Variants in PDE6A observed in about 807,000 individuals in gnomAD.
The protein encoded by PDE6A is phosphodiesterase 6A, also known as rod cGMP-specific 3',5'-cyclic phosphodiesterase subunit alpha.
Under a neutral mutation model 106.3 loss-of-function variants are expected in PDE6A, and 84 were observed. That is an observed-to-expected ratio of 0.79 (90% CI 0.66 to 0.95). PDE6A has a LOEUF of 0.95. Among genes scored for constraint, PDE6A ranks in the 40% least tolerant of loss-of-function variants. The pLI, the probability that PDE6A is intolerant of heterozygous loss-of-function variation, is 0.00. For synonymous variants in PDE6A, 394 were observed against 386.6 expected, an observed-to-expected ratio of 1.02 and a Z score of -0.23; for missense variants, 1,052 against 1,084.9, an observed-to-expected ratio of 0.97 and a Z score of 0.43.
chr5:149,861,890 C>T (rs537868490), intron 21 of PDE6A, among the ~76,000 whole-genome samples: 3 of 152,304 alleles, frequency 2.0e-5, no homozygotes, highest in Admixed American at 2.0e-4. Flanking sequence ...GAAAAATGCA[C>T]TTATTTCCCA....
chr5:149,933,934 C>T lies in PDE6A; in HGVS notation c.713G>A (p.Gly238Asp), dbSNP rs572067661. Residue 238 changes from glycine (G) to aspartate (D), a missense_variant, in exon 3 of 22, where the codon GGC becomes GAC. Gly to Asp is a moderately conservative substitution (Grantham distance 94). This residue lies in a region of PDE6A where 913 missense variants were observed against 915.2 expected (regional missense o/e 1.00). Coordinates refer to ENST00000255266, the MANE Select transcript of PDE6A (RefSeq NM_000440.3). The stretch of plus-strand genomic sequence containing the variant: ...CCCTTGGCCCAAGCCCCTTACCTGG[C>T]CACGTCGAGTTTCACAGTTGTGCAG... ...SYLHNCETRR[G>D]QILLWSGSKV... 5.0e-6 allele frequency: 8 copies of T among 1,612,242 alleles called. No homozygotes were observed. In the African/African-American group the frequency reaches 6.7e-5, roughly 13 times the overall value.
chr5:149,932,104 C>G, intron 3 of PDE6A: 1 of 1,314,958 alleles, frequency 7.6e-7, no homozygotes, highest in Non-Finnish European at 1.1e-6. Context: ...TTGTTCTCCT[C>G]GTCCGGAAGT....
intron 6 of PDE6A, 38 bp from the exon 7 acceptor site, chr5:149,907,416 A>G: frequency 6.4e-7 from 1 of 1,556,098 alleles, no homozygotes; most frequent in Non-Finnish European, 8.9e-7. Context: ...CTCTCAGTGC[A>G]GGGATTGCTG....
At chr5:149,871,940 T>C (rs1161724805) in intron 17 of PDE6A, among the ~76,000 whole-genome samples, 1 of 152,084 alleles carries the variant, frequency 6.6e-6, no homozygotes, top group Admixed American at 6.5e-5. Context: ...CAGATTAGAC[T>C]TGCAAAGTGA....
intron 5 of PDE6A, among the ~76,000 whole-genome samples, chr5:149,920,980 AAG>A (rs747863207): frequency 6.8e-5 from 9 of 133,262 alleles, no homozygotes; most frequent in African/African-American, 3.4e-4. Context: ...GAAAGAAAGA[AAG>A]AAAGAAAGAA....
At chr5:149,902,394 C>T (rs549822452) in intron 8 of PDE6A, among the ~76,000 whole-genome samples, 1 of 151,982 alleles carries the variant, frequency 6.6e-6, no homozygotes, top group Non-Finnish European at 1.5e-5. Flanking sequence ...TTTCCCCATG[C>T]AATCATGAGC....
At chr5:149,928,208 G>GATATAT (rs1228867964) in intron 4 of PDE6A, among the ~76,000 whole-genome samples, 31 of 57,730 alleles carry the variant, frequency 5.4e-4, no homozygotes, top group African/African-American at 1.9e-3. Flanking sequence ...AATTGTATGT[G>GATATAT]CTATATATAT....
At chr5:149,917,088 C>G (rs1753580566) in intron 5 of PDE6A, among the ~76,000 whole-genome samples, 1 of 150,836 alleles carries the variant, frequency 6.6e-6, no homozygotes, top group East Asian at 1.9e-4. Flanking sequence ...GCTCTGTCGC[C>G]CAAGCTGGAG....
chr5:149,926,398 C>T (rs1321847358), intron 4 of PDE6A, among the ~76,000 whole-genome samples: 1 of 151,884 alleles, frequency 6.6e-6, no homozygotes, highest in Non-Finnish European at 1.5e-5. Context: ...AAAGAATGGT[C>T]TTTTCAATAA....
At position 149,898,407 on chromosome 5, in the gene PDE6A, T is replaced by C. The variant is rs536201841; in HGVS notation, c.1363A>G (p.Lys455Glu). 6.2e-7 allele frequency: 1 copy of C among 1,613,616 alleles called. No individual in the cohort carries two copies. Among genetic ancestry groups the C allele is most frequent in the Admixed American group, 1.7e-5 (1 of 60,028 alleles). ...NRKDIFQDIVKYHVKCDNEEI... is the reference protein window; with the variant it reads ...NRKDIFQDIVEYHVKCDNEEI... ...TCATTGTCACACTTCACATGATATT[T>C]TACTATGTCCTGGAAAATATCCTTC... The change falls in exon 10 of 22, where the codon AAA (lysine) becomes GAA (glutamate). Residue 455 changes from lysine to glutamate, a missense_variant. By Grantham distance (56) the Lys-to-Glu change is moderately conservative. Coordinates refer to ENST00000255266, the MANE Select transcript of PDE6A (RefSeq NM_000440.3).
intron 4 of PDE6A, among the ~76,000 whole-genome samples, chr5:149,928,231 A>ATATATATATGTTTTTTTT: frequency 5.1e-5 from 1 of 19,754 alleles, no homozygotes; most frequent in Non-Finnish European, 8.3e-5. Flanking sequence ...ATATATATAT[A>ATATATATATGTTTTTTTT]TTTTTTTTTT....
In PDE6A at chr5:149,898,441, A is replaced by G. The variant is rs765249331; in HGVS notation, c.1329T>C (p.Leu443=). The change falls in exon 10 of 22, where the codon CTT becomes CTC. Residue 443 remains leucine, a synonymous_variant. Transcript: ENST00000255266. ...NPDTYESMNK[L]ENRKDIFQDI... is the part of the protein sequence containing the mutation. ...CCTGGAAAATATCCTTCCTATTTTC[A>G]AGTTTATTCATTGACTCATAGGTGT... 5 of 1,612,974 alleles carry G rather than the reference A, an allele frequency of 3.1e-6. No homozygotes were observed. In the Admixed American group the frequency reaches 8.3e-5, roughly 27 times the overall value.
At chr5:149,895,909 T>A (rs1022418928) in intron 12 of PDE6A, among the ~76,000 whole-genome samples, 3 of 152,084 alleles carry the variant, frequency 2.0e-5, no homozygotes, top group Middle Eastern at 3.2e-3. Context: ...ATCAAACAAG[T>A]TCAGGCAATT....
At chr5:149,935,625 T>C (rs1469855215) in intron 1 of PDE6A, among the ~76,000 whole-genome samples, 1 of 152,192 alleles carries the variant, frequency 6.6e-6, no homozygotes, top group Non-Finnish European at 1.5e-5. Flanking sequence ...CCTCCCCTAA[T>C]GCAGCCCAGA....
At chr5:149,925,046 T>C (rs748361864) in intron 4 of PDE6A, among the ~76,000 whole-genome samples, 6 of 152,138 alleles carry the variant, frequency 3.9e-5, no homozygotes, top group Non-Finnish European at 8.8e-5. Flanking sequence ...CCTAAATGGA[T>C]TGAGGTTCTC....
At chr5:149,923,172 C>T (rs1257359020) in intron 4 of PDE6A, among the ~76,000 whole-genome samples, 1 of 152,164 alleles carries the variant, frequency 6.6e-6, no homozygotes, top group Non-Finnish European at 1.5e-5. Context: ...TTGTTCGTTG[C>T]TCATATAAAC....
intron 5 of PDE6A, among the ~76,000 whole-genome samples, chr5:149,919,705 G>T (rs1447344658): frequency 1.3e-5 from 2 of 152,118 alleles, no homozygotes; most frequent in African/African-American, 4.8e-5. Context: ...GAGTCATCAA[G>T]AGTACCTTTG....
At chr5:149,873,065 T>C (rs1291889595) in intron 17 of PDE6A, among the ~76,000 whole-genome samples, 1 of 152,188 alleles carries the variant, frequency 6.6e-6, no homozygotes, top group African/African-American at 2.4e-5. Context: ...ATATTTCAAT[T>C]TCTTTCAAGA....
chr5:149,943,212 G>T (rs548538053), intron 1 of PDE6A, among the ~76,000 whole-genome samples: 1 of 152,060 alleles, frequency 6.6e-6, no homozygotes, highest in Non-Finnish European at 1.5e-5. Context: ...GGAGAATGGC[G>T]ATGACTTTTA....
Sources: allele counts gnomAD v4.1 joint callset (sites outside exome capture counted in the v4.1 genomes callset), GRCh38; gene constraint gnomAD v4.1.1; regional missense constraint gnomAD v4.1.1; transcripts MANE v1.5; gene names NCBI Gene and HGNC (gene_info 2026-07-23, HGNC 2026-07-21).